Variants in SLC1A6 observed in about 807,000 individuals in gnomAD.
SLC1A6 encodes solute carrier family 1 member 6, also known as excitatory amino acid transporter 4.
SLC1A6 carries 15 observed loss-of-function variants against 42.1 expected under a neutral mutation model. That is an observed-to-expected ratio of 0.36 (90% CI 0.24 to 0.55). SLC1A6 has a LOEUF of 0.55. SLC1A6 is among the 20% of genes least tolerant of loss of function. The pLI is 0.88. For synonymous variants in SLC1A6, 317 were observed against 319.7 expected (o/e 0.99, Z 0.09); for missense variants, 542 against 772.5 (o/e 0.70, Z 3.54).
chr19:14,986,295 A>G (rs1426958869), intron 1 of SLC1A6, among the ~76,000 whole-genome samples: 1 of 152,036 alleles, frequency 6.6e-6, no homozygotes, highest in Non-Finnish European at 1.5e-5. Context: ...AAGTGAGTGG[A>G]TCACCTAAGG....
At position 14,968,488 on chromosome 19, in the gene SLC1A6, G is replaced by A. The variant is rs2045599880; in HGVS notation, c.363C>T (p.Asn121=). ...SLVTGMASLD[N]KATGRMGMRA... The stretch of plus-strand genomic sequence containing the variant: ...GCATCCCCATCCGCCCCGTGGCCTT[G>A]TTGTCCAGGGATGCCATACCTGAAG... Residue 121 remains asparagine, a synonymous_variant, in exon 4 of 10, where the codon AAC becomes AAT. Coordinates refer to ENST00000594383, the MANE Select transcript of SLC1A6 (RefSeq NM_005071.3). 5 of 1,611,484 alleles carry A rather than the reference G, an allele frequency of 3.1e-6. No individual in the cohort carries two copies. Among genetic ancestry groups the A allele is most frequent in the Non-Finnish European group, 4.2e-6 (5 of 1,178,670 alleles).
At chr19:14,950,600 T>C (rs1244285924) in intron 9 of SLC1A6, among the ~76,000 whole-genome samples, 1 of 152,066 alleles carries the variant, frequency 6.6e-6, no homozygotes, top group Non-Finnish European at 1.5e-5. Context: ...GAGATGTTCA[T>C]GTTTGATCTT....
intron 1 of SLC1A6, among the ~76,000 whole-genome samples, chr19:15,003,137 C>A (rs2045880183): frequency 2.0e-5 from 3 of 152,146 alleles, no homozygotes; most frequent in African/African-American, 7.2e-5. Context: ...TGCCACCACG[C>A]CCAGCTAATT....
intron 1 of SLC1A6, among the ~76,000 whole-genome samples, chr19:14,986,978 T>G (rs2045795950): frequency 1.3e-5 from 2 of 152,280 alleles, no homozygotes; most frequent in African/African-American, 4.8e-5. Flanking sequence ...TGATAGACAC[T>G]GTTACTCGCC....
At chr19:15,007,917 C>T (rs8182478) in intron 1 of SLC1A6, among the ~76,000 whole-genome samples, 58,942 of 151,572 alleles carry the variant, frequency 0.39, 12,382 homozygotes, top group East Asian at 0.55. Context: ...CCCAGCTACC[C>T]GGGAGGCTGA....
chr19:14,953,546 C>A (rs968870204), intron 8 of SLC1A6, among the ~76,000 whole-genome samples: 1 of 151,756 alleles, frequency 6.6e-6, no homozygotes, highest in Non-Finnish European at 1.5e-5. Context: ...TGAGCCACCG[C>A]GCCTGACAGA....
In SLC1A6 at chr19:14,961,933, G is replaced by A. The variant is rs3746293; in HGVS notation, c.935+69C>T. The stretch of plus-strand genomic sequence containing the variant: ...ACCAAAAGTCCCCAGCAAGCCCTTC[G>A]GCAGCTTCCCCACAGCCTGACTTCC... On this transcript the variant is annotated intron_variant, in intron 6 of 9. Transcript: ENST00000594383. 1,390 of 1,528,904 alleles carry A rather than the reference G, an allele frequency of 9.1e-4. 26 individuals carry two copies. The East Asian group carries it at 0.028, about 31-fold the overall frequency. The allele number at this position is 1,528,904 out of a possible 1,614,324, so 94.7% of individuals were successfully genotyped here. A position where few individuals can be genotyped will look rare whatever the true frequency, so the allele number is the denominator to read the frequency against.
intron 1 of SLC1A6, among the ~76,000 whole-genome samples, chr19:14,986,204 C>A (rs956222502): frequency 6.6e-6 from 1 of 150,890 alleles, no homozygotes; most frequent in African/African-American, 2.4e-5. Flanking sequence ...ATTAAAAAGA[C>A]ATATACTCAA....
chr19:14,966,832 T>C (rs747326029), intron 4 of SLC1A6, among the ~76,000 whole-genome samples: 12 of 151,810 alleles, frequency 7.9e-5, no homozygotes, highest in Admixed American at 5.3e-4. Context: ...ACAATGAGAA[T>C]ACATGGACAC....
intron 6 of SLC1A6, among the ~76,000 whole-genome samples, chr19:14,960,243 T>C (rs904747759): frequency 1.2e-4 from 19 of 152,160 alleles, no homozygotes; most frequent in Admixed American, 9.8e-4. Context: ...AAGAGAATAC[T>C]TGAATAAATG....
At chr19:15,003,660 CAA>C (rs371118940) in intron 1 of SLC1A6, among the ~76,000 whole-genome samples, 3 of 121,980 alleles carry the variant, frequency 2.5e-5, no homozygotes, top group Non-Finnish European at 1.7e-5. Context: ...CATGTAATGC[CAA>C]AAAAAAAAAA....
At chr19:14,989,553 C>T (rs910496045) in intron 1 of SLC1A6, among the ~76,000 whole-genome samples, 1 of 146,526 alleles carries the variant, frequency 6.8e-6, no homozygotes, top group Non-Finnish European at 1.5e-5. Flanking sequence ...AGCCACCGTG[C>T]CCGGCCAAAA....
chr19:14,962,457 A>C, intron 5 of SLC1A6, 112 bp from the exon 6 acceptor site: 1 of 718,932 alleles, frequency 1.4e-6, no homozygotes, highest in East Asian at 2.5e-5. Flanking sequence ...GAAGATCGAT[A>C]AGATCTTCAT....
At chr19:14,966,818 T>C (rs144592643) in intron 4 of SLC1A6, among the ~76,000 whole-genome samples, 2,680 of 151,728 alleles carry the variant, frequency 0.018, 32 homozygotes, top group South Asian at 0.042. Context: ...TAAGTGGGAG[T>C]TGAACAATGA....
chr19:14,993,284 G>A (rs866417818), intron 1 of SLC1A6, among the ~76,000 whole-genome samples: 14 of 151,864 alleles, frequency 9.2e-5, no homozygotes, highest in East Asian at 1.9e-4. Context: ...GGCTGGAGTC[G>A]GGGGGCAATG....
At chr19:14,998,855 C>CATTT (rs56926151) in intron 1 of SLC1A6, among the ~76,000 whole-genome samples, 18,317 of 128,010 alleles carry the variant, frequency 0.14, 1,697 homozygotes, top group African/African-American at 0.27. Flanking sequence ...TGATAAGAAA[C>CATTT]ATTTATTTAT....
upstream of SLC1A6, among the ~76,000 whole-genome samples, chr19:14,984,318 A>G (rs1337614847): frequency 6.6e-6 from 1 of 152,102 alleles, no homozygotes. Context: ...GGGCAACAAG[A>G]GCAAAGCTCC....
chr19:15,000,401 C>T (rs1484318398), intron 1 of SLC1A6, among the ~76,000 whole-genome samples: 2 of 152,154 alleles, frequency 1.3e-5, no homozygotes, highest in Admixed American at 6.6e-5. Flanking sequence ...CTGGCAACCA[C>T]CATTTTATTC....
At chr19:15,005,441 G>T (rs1230956913) in intron 1 of SLC1A6, among the ~76,000 whole-genome samples, 1 of 151,952 alleles carries the variant, frequency 6.6e-6, no homozygotes, top group South Asian at 2.1e-4. Flanking sequence ...CCTGGGAGGC[G>T]TAGGTTGCAG....
Sources: gnomAD v4.1 joint callset for allele counts (sites outside exome capture counted in the v4.1 genomes callset) on GRCh38, gnomAD v4.1.1 for gene constraint, MANE v1.5 for transcripts, NCBI Gene and HGNC (gene_info 2026-07-23, HGNC 2026-07-21) for gene names.